MAPK14: variants seen among roughly 807,000 people sequenced by gnomAD.
MAPK14 encodes the protein CSAID-binding protein.
MAPK14 carries 16 observed loss-of-function variants against 49.6 expected under a neutral mutation model. The ratio of observed to expected loss-of-function variants is 0.32; its 90% CI spans 0.22 to 0.49. The LOEUF (loss-of-function observed/expected upper bound fraction) is 0.49. Among genes scored for constraint, MAPK14 ranks in the 20% least tolerant of loss-of-function variants. The pLI is 0.99. For synonymous variants in MAPK14, 142 were observed against 158.0 expected (o/e 0.90, Z 0.76); for missense variants, 200 against 441.2 (o/e 0.45, Z 4.90).
At chr6:36,078,989 G>C (rs1377356358) in intron 8 of MAPK14, among the ~76,000 whole-genome samples, 5 of 152,190 alleles carry the variant, frequency 3.3e-5, no homozygotes, top group African/African-American at 1.2e-4. Flanking sequence ...ACTCCATTTT[G>C]TTGTCATGGG....
At chr6:36,050,756 C>T (rs191584776) in intron 1 of MAPK14, among the ~76,000 whole-genome samples, 42 of 152,260 alleles carry the variant, frequency 2.8e-4, no homozygotes, top group African/African-American at 8.2e-4. Context: ...AAGACTCCTA[C>T]GCACCTGCTA....
chr6:36,112,378 A>G (rs1765989952), downstream of MAPK14, among the ~76,000 whole-genome samples: 1 of 152,214 alleles, frequency 6.6e-6, no homozygotes, highest in Non-Finnish European at 1.5e-5. Context: ...AACGGGGACC[A>G]AAATTTCATA....
At chr6:36,045,808 C>CAAAAAAAAAAAAAAA (rs371920281) in intron 1 of MAPK14, among the ~76,000 whole-genome samples, 1 of 46,388 alleles carries the variant, frequency 2.2e-5, no homozygotes, top group Non-Finnish European at 4.6e-5. Flanking sequence ...GACTCTGTCT[C>CAAAAAAAAAAAAAAA]AAAAAAAAAA....
At chr6:36,108,350 C>T (rs764690982) in intron 11 of MAPK14, 30 bp from the exon 12 acceptor site, 5 of 1,553,714 alleles carry the variant, frequency 3.2e-6, no homozygotes, top group African/African-American at 1.4e-5. Flanking sequence ...CCTAAACTCT[C>T]ACATCTTACT....
At chr6:36,099,232 T>C (rs886287099) in intron 9 of MAPK14, among the ~76,000 whole-genome samples, 7 of 152,208 alleles carry the variant, frequency 4.6e-5, no homozygotes, top group Admixed American at 6.5e-5. Context: ...AGAAAAGGGG[T>C]TTATTGAATT....
At position 36,074,032 on chromosome 6, in the gene MAPK14, C is replaced by T. The variant is rs1299832232; in HGVS notation, c.448-17C>T. The T allele has an allele frequency of 1.3e-6, 2 of 1,599,806 alleles. No homozygotes were observed. Among genetic ancestry groups the T allele is most frequent in the Non-Finnish European group, 1.7e-6 (2 of 1,167,302 alleles). The stretch of plus-strand genomic sequence containing the variant: ...CATCATAAAGTTGATCCTGTCTTCC[C>T]TGTATTTGCTTCCTAGGACCTAAAA... On this transcript the variant is annotated splice_polypyrimidine_tract_variant and intron_variant, in intron 5 of 11. Transcript: ENST00000229794.
At chr6:36,067,049 CAGAG>C (rs1764088612) in intron 3 of MAPK14, among the ~76,000 whole-genome samples, 1 of 151,684 alleles carries the variant, frequency 6.6e-6, no homozygotes, top group South Asian at 2.1e-4. Context: ...TTTTTTTTAT[CAGAG>C]AGGTCTGCTG....
intron 8 of MAPK14, among the ~76,000 whole-genome samples, chr6:36,090,146 T>A (rs1236976198): frequency 6.6e-6 from 1 of 152,118 alleles, no homozygotes; most frequent in Admixed American, 6.5e-5. Flanking sequence ...TATTTTTTTT[T>A]ATTTCTTCTT....
chr6:36,074,730 C>G (rs1002144052), intron 6 of MAPK14, among the ~76,000 whole-genome samples: 8 of 151,908 alleles, frequency 5.3e-5, no homozygotes, highest in African/African-American at 1.7e-4. Flanking sequence ...ATTCTCCTGC[C>G]TCAGCCTCCC....
intron 3 of MAPK14, among the ~76,000 whole-genome samples, chr6:36,060,080 T>TG (rs1763751503): frequency 1.3e-5 from 2 of 152,198 alleles, no homozygotes; most frequent in Admixed American, 6.5e-5. Flanking sequence ...GAACCAGTAG[T>TG]GGGGGGCTAG....
chr6:36,055,049 T>G (rs1763541608), intron 2 of MAPK14, among the ~76,000 whole-genome samples: 1 of 152,222 alleles, frequency 6.6e-6, no homozygotes, highest in African/African-American at 2.4e-5. Flanking sequence ...ATTAGGTGAG[T>G]GACTGAAGCT....
chr6:36,111,088 C>T lies in MAPK14; in HGVS notation c.*2641C>T, dbSNP rs1765961247. On this transcript the variant is annotated 3_prime_UTR_variant, in exon 12 of 12. Transcript: ENST00000229794. Reference sequence around the variant, plus strand: ...CCTGAGGGCCAAATCTGGCCCACCACCTGTTTGGTGTAGCCTGCTAAGAAT... The same window carrying T: ...CCTGAGGGCCAAATCTGGCCCACCATCTGTTTGGTGTAGCCTGCTAAGAAT... 6.6e-6 allele frequency: 1 copy of T among 152,068 alleles called. No individual in the cohort carries two copies. The highest frequency in any genetic ancestry group is 2.4e-5 in the African/African-American group (1 of 41,398). 9.4% of individuals were successfully genotyped at this position (152,068 alleles called of 1,614,324 possible). A position where few individuals can be genotyped will look rare whatever the true frequency, so the allele number is the denominator to read the frequency against.
At chr6:36,053,368 C>T (rs1763474679) in intron 2 of MAPK14, among the ~76,000 whole-genome samples, 1 of 151,442 alleles carries the variant, frequency 6.6e-6, no homozygotes, top group South Asian at 2.1e-4. Flanking sequence ...TTTCCAGATT[C>T]ACGTATTTTA....
chr6:36,052,273 C>T (rs1763431096), intron 1 of MAPK14, among the ~76,000 whole-genome samples: 1 of 152,154 alleles, frequency 6.6e-6, no homozygotes, highest in South Asian at 2.1e-4. Flanking sequence ...GAATTCAACT[C>T]TGTTTATTAA....
At chr6:36,074,374 C>T (rs1016381740) in intron 6 of MAPK14, among the ~76,000 whole-genome samples, 3 of 151,282 alleles carry the variant, frequency 2.0e-5, no homozygotes, top group African/African-American at 7.3e-5. Flanking sequence ...GTAAGTAGGC[C>T]CAAAGAGGTG....
rs1039316717 is a variant in MAPK14, at chr6:36,100,356, C to A, written c.763-2215C>A. On this transcript the variant is annotated intron_variant, in intron 9 of 11. Coordinates refer to ENST00000229794, the MANE Select transcript of MAPK14 (RefSeq NM_139012.3). ...CCGTATAACCAACAGTTCTTAACAT[C>A]ACTGGATGCTTGCATGTGCCTTGAG... 4.1e-6 allele frequency: 4 copies of A among 967,788 alleles called. No individual in the cohort carries two copies. The African/African-American group carries it at 4.8e-5, about 12-fold the overall frequency. 60.0% of individuals were successfully genotyped at this position (967,788 alleles called of 1,614,324 possible). A position where few individuals can be genotyped will look rare whatever the true frequency, so the allele number is the denominator to read the frequency against.
chr6:36,112,544 A>G (rs776565091), downstream of MAPK14, among the ~76,000 whole-genome samples: 22 of 152,232 alleles, frequency 1.4e-4, no homozygotes, highest in Non-Finnish European at 3.1e-4. Flanking sequence ...GTATCTTACA[A>G]TAATTTTCTC....
chr6:36,107,758 C>T lies in MAPK14; in HGVS notation c.1015+130C>T. ...GTCTCTAATGCAGAATGAATATGTTCTCTGGTGGAAACTGTTGTAGACAGT... is the reference window on the plus strand; with the variant it reads ...GTCTCTAATGCAGAATGAATATGTTTTCTGGTGGAAACTGTTGTAGACAGT... On this transcript the variant is annotated intron_variant, in intron 11 of 11. Transcript: ENST00000229794. The surrounding 1 kb of genome is among the most constrained non-coding windows in gnomAD (Gnocchi z 4.3). 1.8e-6 allele frequency: 1 copy of T among 563,970 alleles called. No individual in the cohort carries two copies. Among genetic ancestry groups the T allele is most frequent in the Non-Finnish European group, 2.9e-6 (1 of 344,490 alleles). 34.9% of individuals were successfully genotyped at this position (563,970 alleles called of 1,614,324 possible).
intron 1 of MAPK14, among the ~76,000 whole-genome samples, chr6:36,029,914 A>G (rs1185590555): frequency 6.6e-6 from 1 of 151,474 alleles, no homozygotes; most frequent in Non-Finnish European, 1.5e-5. Flanking sequence ...TACATTCAGT[A>G]TATACATATT....
Sources: gnomAD v4.1 joint callset for allele counts (sites outside exome capture counted in the v4.1 genomes callset) on GRCh38, gnomAD v4.1.1 for gene constraint, Gnocchi (gnomAD v3.1) non-coding constraint, MANE v1.5 for transcripts, NCBI Gene and HGNC (gene_info 2026-07-23, HGNC 2026-07-21) for gene names.